The following ZDHHC5 variants were observed in gnomAD, a reference collection of about 807,000 sequenced individuals.
ZDHHC5 encodes zDHHC palmitoyltransferase 5.
ZDHHC5 carries 22 observed loss-of-function variants against 70.0 expected under a neutral mutation model. The observed-to-expected ratio is 0.31, with a 90% CI of 0.22 to 0.45. ZDHHC5 has a LOEUF of 0.45. Among genes scored for constraint, ZDHHC5 ranks in the 20% least tolerant of loss-of-function variants. ZDHHC5 has a pLI of 1.00. For synonymous variants in ZDHHC5, 313 were observed against 347.8 expected (o/e 0.90, Z 1.11); for missense variants, 746 against 926.9 (o/e 0.80, Z 2.53).
intron 6 of ZDHHC5, among the ~76,000 whole-genome samples, chr11:57,691,846 A>G (rs1946289076): frequency 1.3e-5 from 2 of 152,082 alleles, no homozygotes; most frequent in African/African-American, 4.8e-5. Flanking sequence ...GACATTTACT[A>G]TATGCCCACT....
rs1311682466 is a variant in ZDHHC5 at position 57,672,734 on chromosome 11, T to C, written c.-357T>C. Reference sequence around the variant, plus strand: ...CCTCCATCCATGAGCTGTATCTTGATCTGTCTGACTGTCCATGTTTTCCAC... The same window carrying C: ...CCTCCATCCATGAGCTGTATCTTGACCTGTCTGACTGTCCATGTTTTCCAC... On this transcript the variant is annotated 5_prime_UTR_variant, in exon 2 of 12. Coordinates refer to ENST00000287169, the MANE Select transcript of ZDHHC5 (RefSeq NM_015457.3). The C allele has an allele frequency of 4.8e-6, 1 of 206,792 alleles. No homozygotes were observed. Among genetic ancestry groups the C allele is most frequent in the African/African-American group, 2.3e-5 (1 of 43,274 alleles). 12.8% of individuals were successfully genotyped at this position (206,792 alleles called of 1,614,324 possible). A position where few individuals can be genotyped will look rare whatever the true frequency, so the allele number is the denominator to read the frequency against.
intron 1 of ZDHHC5, among the ~76,000 whole-genome samples, 173 bp from the exon 2 acceptor site, chr11:57,671,848 G>C (rs1316254886): frequency 6.6e-6 from 1 of 152,232 alleles, no homozygotes; most frequent in Non-Finnish European, 1.5e-5. Flanking sequence ...GGATTCTCAA[G>C]TCAGTTTTCC....
At chr11:57,686,833 G>T (rs117316199) in intron 3 of ZDHHC5, among the ~76,000 whole-genome samples, 268 of 142,468 alleles carry the variant, frequency 1.9e-3, no homozygotes, top group Non-Finnish European at 3.2e-3. Flanking sequence ...GTGTGTGTGT[G>T]TTTTTTTTTT....
At chr11:57,696,390 C>G (rs1443645830) in intron 9 of ZDHHC5, among the ~76,000 whole-genome samples, 1 of 152,120 alleles carries the variant, frequency 6.6e-6, no homozygotes, top group Non-Finnish European at 1.5e-5. Flanking sequence ...TTGTCCTCTC[C>G]CTGTACTTAA....
At chr11:57,681,163 C>G (rs1323829048) in intron 2 of ZDHHC5, among the ~76,000 whole-genome samples, 1 of 152,172 alleles carries the variant, frequency 6.6e-6, no homozygotes, top group Non-Finnish European at 1.5e-5. Context: ...GCTTGTATCT[C>G]GTTAAGGAAC....
rs765651515 is a variant in ZDHHC5, at chr11:57,696,867, C to T, written c.1116C>T (p.Ser372=). The change falls in exon 10 of 12, where the codon AGC becomes AGT. Residue 372 remains serine, a synonymous_variant. Coordinates refer to ENST00000287169, the MANE Select transcript of ZDHHC5 (RefSeq NM_015457.3). ...CAGCTGCCATGCCGCATTCCTCCAGCGCCAAGGTACTGAGTACTCTAAGAG... is the reference window on the plus strand; with the variant it reads ...CAGCTGCCATGCCGCATTCCTCCAGTGCCAAGGTACTGAGTACTCTAAGAG... ...STSAAMPHSS[S]AKLSRGDSLK... 58 of 1,613,538 alleles carry T rather than the reference C, an allele frequency of 3.6e-5. No homozygotes were observed. The Middle Eastern group carries it at 1.7e-3, about 47-fold the overall frequency.
chr11:57,698,172 A>G (rs1447894439), intron 10 of ZDHHC5, among the ~76,000 whole-genome samples: 7 of 149,932 alleles, frequency 4.7e-5, no homozygotes, highest in African/African-American at 1.5e-4. Context: ...CTGTTACGGG[A>G]AAAAAAGAAG....
At chr11:57,693,681 C>T in intron 7 of ZDHHC5, 102 bp from the exon 8 acceptor site, 4 of 1,419,592 alleles carry the variant, frequency 2.8e-6, no homozygotes, top group Non-Finnish European at 2.8e-6. Flanking sequence ...ACTTTTTTAC[C>T]AACCTAATAA....
chr11:57,686,470 C>G (rs1403233674), intron 3 of ZDHHC5, among the ~76,000 whole-genome samples: 1 of 151,932 alleles, frequency 6.6e-6, no homozygotes, highest in East Asian at 1.9e-4. Flanking sequence ...AGCGTGCCAC[C>G]GTGCCTGGCT....
chr11:57,690,875 C>T (rs1946276587), intron 6 of ZDHHC5, among the ~76,000 whole-genome samples: 1 of 152,040 alleles, frequency 6.6e-6, no homozygotes, highest in Non-Finnish European at 1.5e-5. Context: ...GGAGGGATAG[C>T]ATTAGGAGAT....
chr11:57,668,784 AGTACTTT>A (rs1945961333), intron 1 of ZDHHC5, among the ~76,000 whole-genome samples: 1 of 152,226 alleles, frequency 6.6e-6, no homozygotes. Flanking sequence ...CCATGCGTTT[AGTACTTT>A]GTACTTTTTA....
At chr11:57,683,283 A>G (rs1946170362) in intron 3 of ZDHHC5, among the ~76,000 whole-genome samples, 2 of 152,248 alleles carry the variant, frequency 1.3e-5, no homozygotes, top group South Asian at 4.1e-4. Context: ...ACTCAACATC[A>G]GAATTCCTTT....
At chr11:57,695,430 A>C (rs1453185514) in intron 8 of ZDHHC5, among the ~76,000 whole-genome samples, 3 of 151,966 alleles carry the variant, frequency 2.0e-5, no homozygotes, top group East Asian at 1.9e-4. Flanking sequence ...AAAAAAAAAA[A>C]CCCAACTTTT....
chr11:57,693,999 GTGT>G (rs1276291957), intron 8 of ZDHHC5, 84 bp downstream of exon 8: 1 of 1,214,610 alleles, frequency 8.2e-7, no homozygotes, highest in Non-Finnish European at 1.1e-6. Flanking sequence ...AGTTTCCTTT[GTGT>G]TTTTTTTTTT....
intron 2 of ZDHHC5, among the ~76,000 whole-genome samples, chr11:57,678,570 C>CAAA (rs34342337): frequency 3.1e-4 from 31 of 101,432 alleles, no homozygotes; most frequent in Admixed American, 6.4e-4. Flanking sequence ...AACTCTGTCT[C>CAAA]AAAAAAAAAA....
intron 10 of ZDHHC5, among the ~76,000 whole-genome samples, chr11:57,697,733 GGGA>G (rs896326272): frequency 1.7e-4 from 25 of 151,456 alleles, no homozygotes; most frequent in African/African-American, 5.8e-4. Context: ...GCTTGAACCT[GGGA>G]GGAGAATTGC....
chr11:57,697,642 CA>C lies in ZDHHC5; in HGVS notation c.1122+787del, dbSNP rs35869929. On this transcript the variant is annotated intron_variant, in intron 10 of 11. Coordinates refer to ENST00000287169, the MANE Select transcript of ZDHHC5 (RefSeq NM_015457.3). Reference sequence around the variant, plus strand: ...TGGGTGACAGAGTGAGAGTCCATCTCAAAAAAAAAAAAAAAAAATTAGCTGG... The same window carrying C: ...TGGGTGACAGAGTGAGAGTCCATCTCAAAAAAAAAAAAAAAAATTAGCTGG... Among the ~76,000 whole-genome samples, 771 of 85,668 alleles carry C rather than the reference CA, an allele frequency of 9.0e-3. 5 individuals are homozygous for C. The highest frequency in any genetic ancestry group is 0.013 in the Middle Eastern group (2 of 152). 56.2% of individuals were successfully genotyped at this position (85,668 alleles called of 152,430 possible).
chr11:57,678,855 C>CA (rs927247030), intron 2 of ZDHHC5, among the ~76,000 whole-genome samples: 10 of 151,602 alleles, frequency 6.6e-5, no homozygotes, highest in South Asian at 2.1e-4. Context: ...GACCCTGTCT[C>CA]AAAAAAAATG....
intron 7 of ZDHHC5, 125 bp downstream of exon 7, chr11:57,692,827 A>G: frequency 1.1e-6 from 1 of 886,082 alleles, no homozygotes; most frequent in Middle Eastern, 2.9e-4. Context: ...TAGAATGTTA[A>G]GTACCCACTC....
Sources: allele counts gnomAD v4.1 joint callset (sites outside exome capture counted in the v4.1 genomes callset), GRCh38; gene constraint gnomAD v4.1.1; transcripts MANE v1.5; gene names NCBI Gene and HGNC (gene_info 2026-07-23, HGNC 2026-07-21).